HS6ST2: variants seen among roughly 807,000 people sequenced by gnomAD.
HS6ST2 encodes the protein heparan sulfate 6-O-sulfotransferase 2.
HS6ST2 carries 17 observed loss-of-function variants against 33.0 expected under a neutral mutation model. That is an observed-to-expected ratio of 0.52 (90% CI 0.35 to 0.77). HS6ST2 has a LOEUF of 0.77. HS6ST2 is among the 30% of genes least tolerant of loss of function. The pLI, the probability that HS6ST2 is intolerant of heterozygous loss-of-function variation, is 0.01. For missense variants in HS6ST2, 519 were observed against 551.7 expected (o/e 0.94, Z 0.59); for synonymous variants, 248 against 237.1 (o/e 1.05, Z -0.42).
chrX:132,739,714 C>CAA (rs147979550), intron 2 of HS6ST2, among the ~76,000 whole-genome samples: 7 of 52,201 alleles, frequency 1.3e-4, no homozygotes, highest in Admixed American at 4.7e-4. Context: ...GACTCCATTT[C>CAA]AAAAAAAAAA....
intron 2 of HS6ST2, among the ~76,000 whole-genome samples, chrX:132,711,451 T>A (rs1602599875): frequency 8.9e-6 from 1 of 111,830 alleles, no homozygotes; most frequent in African/African-American, 3.3e-5. Flanking sequence ...GTTTTACCAA[T>A]GACTCATTTG....
chrX:132,665,688 T>C (rs965012613), intron 4 of HS6ST2, among the ~76,000 whole-genome samples: 2 of 110,947 alleles, frequency 1.8e-5, no homozygotes, highest in Non-Finnish European at 3.8e-5. Flanking sequence ...GCCTGATTGG[T>C]CATGGGTCAA....
chrX:132,946,911 T>C (rs193077735), intron 2 of HS6ST2, among the ~76,000 whole-genome samples: 155 of 111,857 alleles, frequency 1.4e-3, no homozygotes, highest in Non-Finnish European at 2.6e-3. Flanking sequence ...TGGGTCAAAC[T>C]ACCTAAGTCT....
At chrX:132,812,133 G>A (rs1237006977) in intron 2 of HS6ST2, among the ~76,000 whole-genome samples, 4 of 109,365 alleles carry the variant, frequency 3.7e-5, no homozygotes, top group Admixed American at 3.0e-4. Flanking sequence ...CTGGCCGGGC[G>A]CGGTGGTTCA....
At chrX:132,705,640 C>T (rs1403074793) in intron 3 of HS6ST2, among the ~76,000 whole-genome samples, 2 of 111,873 alleles carry the variant, frequency 1.8e-5, no homozygotes, top group South Asian at 3.8e-4. Flanking sequence ...TCAAAACAAG[C>T]CTATATACTG....
chrX:132,780,363 G>A (rs1218273151), intron 2 of HS6ST2, among the ~76,000 whole-genome samples: 1 of 110,838 alleles, frequency 9.0e-6, no homozygotes, highest in Admixed American at 9.7e-5. Flanking sequence ...CAACGTCTCT[G>A]ATGTGAGCGC....
At chrX:132,812,586 G>C (rs938105159) in intron 2 of HS6ST2, among the ~76,000 whole-genome samples, 15 of 104,999 alleles carry the variant, frequency 1.4e-4, no homozygotes, top group African/African-American at 4.2e-4. Flanking sequence ...TTTTTTTTGG[G>C]GGGGGGAGAA....
chrX:132,818,808 T>A (rs1484958620), intron 2 of HS6ST2, among the ~76,000 whole-genome samples: 3 of 111,878 alleles, frequency 2.7e-5, no homozygotes. Flanking sequence ...CTGTTGAGTA[T>A]CTCACCATAT....
intron 2 of HS6ST2, among the ~76,000 whole-genome samples, chrX:132,868,444 C>A (rs1186487241): frequency 8.9e-6 from 1 of 112,269 alleles, no homozygotes; most frequent in Non-Finnish European, 1.9e-5. Flanking sequence ...CAGACATCTA[C>A]AGAATTCTCC....
At chrX:132,664,116 T>G (rs1254206561) in intron 4 of HS6ST2, among the ~76,000 whole-genome samples, 4 of 112,124 alleles carry the variant, frequency 3.6e-5, no homozygotes, top group African/African-American at 1.3e-4. Context: ...GTTCAAATGA[T>G]TCACCTGCCT....
At chrX:132,798,058 C>T (rs1490453542) in intron 2 of HS6ST2, among the ~76,000 whole-genome samples, 3 of 67,582 alleles carry the variant, frequency 4.4e-5, no homozygotes, top group Non-Finnish European at 8.0e-5. Context: ...GGAGGTAGGG[C>T]GGGGGGCGGG....
chrX:132,656,684 T>C (rs1421459225), intron 4 of HS6ST2, among the ~76,000 whole-genome samples: 7 of 111,915 alleles, frequency 6.3e-5, no homozygotes, highest in South Asian at 3.8e-4. Context: ...TGTGAACATA[T>C]GGTTTTTGGT....
Position 132,958,494 on chromosome X carries a change from C to T in HS6ST2, c.109G>A (p.Glu37Lys), listed in dbSNP as rs776394549. 1.7e-6 allele frequency: 2 copies of T among 1,196,515 alleles called. No homozygotes were observed. The highest frequency in any genetic ancestry group is 2.2e-6 in the Non-Finnish European group (2 of 889,178). ...CPRRHSRVEAELAASRPGSVA... is the reference protein window; with the variant it reads ...CPRRHSRVEAKLAASRPGSVA... ...GACCCGGGCCGGCTCGCTGCCAATT[C>T]GGCCTCTACTCTGGAATGCCGGCGG... Residue 37 changes from glutamate (E) to lysine (K), a missense_variant, in exon 1 of 5, where the codon GAA (glutamate) becomes AAA (lysine). Physicochemically the swap from Glu to Lys is moderately conservative, Grantham distance 56. Coordinates refer to ENST00000370833, the MANE Select transcript of HS6ST2 (RefSeq NM_001394073.1).
At chrX:132,830,519 T>C (rs1181116355) in intron 2 of HS6ST2, among the ~76,000 whole-genome samples, 2 of 112,097 alleles carry the variant, frequency 1.8e-5, no homozygotes, top group African/African-American at 6.5e-5. Flanking sequence ...TTTTTTCCAC[T>C]GCCTATAATA....
chrX:132,903,764 T>C (rs961347504), intron 2 of HS6ST2, among the ~76,000 whole-genome samples: 1 of 112,506 alleles, frequency 8.9e-6, no homozygotes, highest in African/African-American at 3.2e-5. Context: ...TTTCTTGTTT[T>C]CATGCTAATA....
chrX:132,888,085 T>C (rs1025250512), intron 2 of HS6ST2, among the ~76,000 whole-genome samples: 1 of 112,173 alleles, frequency 8.9e-6, no homozygotes, highest in Non-Finnish European at 1.9e-5. Context: ...AACTAGATTA[T>C]GACAATTGCA....
chrX:132,756,879 G>A (rs1602644497), intron 2 of HS6ST2, among the ~76,000 whole-genome samples: 1 of 107,712 alleles, frequency 9.3e-6, no homozygotes, highest in African/African-American at 3.4e-5. Context: ...CGAGAGTCAT[G>A]AGTAATTTCC....
intron 2 of HS6ST2, among the ~76,000 whole-genome samples, chrX:132,900,487 G>A (rs2066416908): frequency 9.0e-6 from 1 of 110,976 alleles, no homozygotes; most frequent in Non-Finnish European, 1.9e-5. Flanking sequence ...AGGCTGAAGT[G>A]GGAGGACTGC....
chrX:132,960,487 G>T (rs1015492113), upstream of HS6ST2, among the ~76,000 whole-genome samples: 2 of 110,848 alleles, frequency 1.8e-5, no homozygotes, highest in African/African-American at 6.6e-5. Flanking sequence ...AAACTACGGA[G>T]TTTCTACTGT....
Sources: gnomAD v4.1 joint callset for allele counts (sites outside exome capture counted in the v4.1 genomes callset) on GRCh38, gnomAD v4.1.1 for gene constraint, MANE v1.5 for transcripts, NCBI Gene and HGNC (gene_info 2026-07-23, HGNC 2026-07-21) for gene names.